Variants in MYRIP observed in about 807,000 individuals in gnomAD.
MYRIP encodes the protein rab effector MyRIP.
A neutral mutation model predicts 98.0 loss-of-function variants in MYRIP; 49 were observed. That is an observed-to-expected ratio of 0.50 (90% CI 0.40 to 0.63). The LOEUF is 0.63. Among genes scored for constraint, MYRIP ranks in the 30% least tolerant of loss-of-function variants. The pLI is 0.00. For synonymous variants in MYRIP, 404 were observed against 409.5 expected (o/e 0.99, Z 0.16); for missense variants, 1,004 against 1,058.2 (o/e 0.95, Z 0.71).
chr3:39,883,203 C>T (rs1180548727), intron 1 of MYRIP, among the ~76,000 whole-genome samples: 1 of 152,162 alleles, frequency 6.6e-6, no homozygotes, highest in Non-Finnish European at 1.5e-5. Context: ...CAAACCCTCA[C>T]TTTGGGTTGA....
At chr3:39,838,171 T>C (rs1192426136) in intron 1 of MYRIP, among the ~76,000 whole-genome samples, 1 of 149,524 alleles carries the variant, frequency 6.7e-6, no homozygotes, top group Admixed American at 6.8e-5. Context: ...CAATTTGACT[T>C]CCTTTCTTCC....
chr3:40,028,402 C>G (rs763956327), intron 2 of MYRIP, among the ~76,000 whole-genome samples: 2 of 152,172 alleles, frequency 1.3e-5, no homozygotes, highest in African/African-American at 2.4e-5. Flanking sequence ...AAGTCTTGAG[C>G]ATTATTGCCC....
At chr3:40,244,373 G>C in intron 12 of MYRIP, 73 bp from the exon 13 acceptor site, 2 of 1,404,754 alleles carry the variant, frequency 1.4e-6, no homozygotes. Flanking sequence ...TGAATTGCTG[G>C]GGTCCCCTCA....
chr3:40,221,648 A>G (rs115421286), intron 11 of MYRIP, among the ~76,000 whole-genome samples: 2,323 of 152,288 alleles, frequency 0.015, 16 homozygotes, highest in Middle Eastern at 0.065. Flanking sequence ...GAAAAGAATG[A>G]CATTTAGTGT....
At chr3:40,099,433 T>C (rs1383845875) in intron 3 of MYRIP, among the ~76,000 whole-genome samples, 2 of 152,146 alleles carry the variant, frequency 1.3e-5, no homozygotes, top group African/African-American at 2.4e-5. Context: ...GTGAGGATGA[T>C]AGCCATTTGT....
intron 1 of MYRIP, among the ~76,000 whole-genome samples, chr3:39,830,627 A>G (rs1559489094): frequency 1.3e-5 from 2 of 152,136 alleles, no homozygotes; most frequent in African/African-American, 4.8e-5. Flanking sequence ...TCCACTCCCT[A>G]GCCCTGGAGC....
intron 1 of MYRIP, among the ~76,000 whole-genome samples, chr3:39,833,826 G>T (rs971928526): frequency 2.0e-5 from 3 of 152,144 alleles, no homozygotes; most frequent in Non-Finnish European, 4.4e-5. Context: ...TTCAAGACCA[G>T]CCTGGCCAAC....
At chr3:39,821,493 T>G (rs1436189085) in intron 1 of MYRIP, among the ~76,000 whole-genome samples, 1 of 151,946 alleles carries the variant, frequency 6.6e-6, no homozygotes, top group Non-Finnish European at 1.5e-5. Context: ...TTATTATTTC[T>G]TTCCTATTTC....
At chr3:39,903,387 G>A (rs1234181818) in intron 2 of MYRIP, among the ~76,000 whole-genome samples, 2 of 152,080 alleles carry the variant, frequency 1.3e-5, no homozygotes, top group Admixed American at 6.5e-5. Context: ...TCTTGAATTA[G>A]TTTCCTTTTC....
chr3:40,186,816 A>T (rs770628629), intron 9 of MYRIP, among the ~76,000 whole-genome samples: 19 of 152,234 alleles, frequency 1.2e-4, no homozygotes, highest in Non-Finnish European at 2.6e-4. Flanking sequence ...AGCTTCACTG[A>T]GAACCTGAGC....
chr3:39,840,382 G>C (rs764589281), intron 1 of MYRIP, among the ~76,000 whole-genome samples: 1 of 152,074 alleles, frequency 6.6e-6, no homozygotes, highest in Non-Finnish European at 1.5e-5. Flanking sequence ...CATGAGATGG[G>C]TCTGCTGAAT....
At chr3:40,227,921 G>A (rs1053024906) in intron 11 of MYRIP, among the ~76,000 whole-genome samples, 3 of 152,248 alleles carry the variant, frequency 2.0e-5, no homozygotes, top group Non-Finnish European at 1.5e-5. Flanking sequence ...GAGGGGTTAA[G>A]TATTTGCCCA....
rs139361268 is a variant in MYRIP at position 39,968,952 on chromosome 3, C to T, written c.110+68026C>T. Among the ~76,000 whole-genome samples the T allele has an allele frequency of 8.9e-3, 1,361 of 152,210 alleles. 6 individuals are homozygous for T. Among genetic ancestry groups the T allele is most frequent in the South Asian group, 0.026 (127 of 4,828 alleles). On this transcript the variant is annotated intron_variant, in intron 2 of 16. Coordinates refer to ENST00000302541, the MANE Select transcript of MYRIP (RefSeq NM_015460.4). ...ATCAATGATATTGATTTTTCCTATC[C>T]ATGAGCATGGAATGTTTTTCCATTT...
In MYRIP at chr3:40,250,307, A is replaced by G; in HGVS notation, c.2348A>G (p.Asp783Gly). 1 of 1,614,090 alleles carries G rather than the reference A, an allele frequency of 6.2e-7. No individual in the cohort carries two copies. Among genetic ancestry groups the G allele is most frequent in the Non-Finnish European group, 8.5e-7 (1 of 1,179,924 alleles). ...TGTGTGCGCTTCACAAGAAGACGGG[A>G]TCAGAAGCAAAGGACCCAGGTGTGT... ...APCVRFTRRR[D>G]QKQRTQVQTI... is the part of the protein sequence containing the mutation. Residue 783 changes from aspartate (D) to glycine (G), a missense_variant, in exon 14 of 17, where the codon GAT becomes GGT. This residue lies in a region of MYRIP where 108 missense variants were observed against 111.1 expected (regional missense o/e 0.97). Coordinates refer to ENST00000302541, the MANE Select transcript of MYRIP (RefSeq NM_015460.4).
intron 2 of MYRIP, among the ~76,000 whole-genome samples, chr3:39,948,009 A>G (rs772371154): frequency 1.3e-5 from 2 of 152,182 alleles, no homozygotes; most frequent in African/African-American, 2.4e-5. Flanking sequence ...TATCAAGATG[A>G]CACTAATGTA....
At chr3:40,038,746 G>A (rs377551074) in intron 2 of MYRIP, among the ~76,000 whole-genome samples, 9 of 152,198 alleles carry the variant, frequency 5.9e-5, no homozygotes, top group African/African-American at 2.2e-4. Flanking sequence ...GAACAAAGGG[G>A]CAGGGGAGAG....
At chr3:39,955,761 G>C (rs1427378115) in intron 2 of MYRIP, among the ~76,000 whole-genome samples, 1 of 152,124 alleles carries the variant, frequency 6.6e-6, no homozygotes, top group Admixed American at 6.5e-5. Flanking sequence ...AGACCCATCA[G>C]TGTGCTATAT....
chr3:40,004,847 T>C, intron 2 of MYRIP, among the ~76,000 whole-genome samples: 1 of 152,134 alleles, frequency 6.6e-6, no homozygotes, highest in East Asian at 1.9e-4. Context: ...AGGGTATATT[T>C]TGTGATGCTG....
chr3:39,948,353 G>T (rs1202087250), intron 2 of MYRIP, among the ~76,000 whole-genome samples: 2 of 152,090 alleles, frequency 1.3e-5, no homozygotes, highest in Admixed American at 1.3e-4. Flanking sequence ...ATCAATGTAA[G>T]TAAAAGCCAG....
Sources: allele counts gnomAD v4.1 joint callset (sites outside exome capture counted in the v4.1 genomes callset), GRCh38; gene constraint gnomAD v4.1.1; regional missense constraint gnomAD v4.1.1; transcripts MANE v1.5; gene names NCBI Gene and HGNC (gene_info 2026-07-23, HGNC 2026-07-21).